Variants in MAPK10 observed in about 807,000 individuals in gnomAD.
MAPK10 encodes JNK3 alpha protein kinase.
Under a neutral mutation model 59.3 loss-of-function variants are expected in MAPK10, and 25 were observed. The observed-to-expected ratio is 0.42, with a 90% confidence interval of 0.31 to 0.59. The LOEUF (loss-of-function observed/expected upper bound fraction) is 0.59, where lower values mean the gene tolerates loss of function less well. Among genes scored for constraint, MAPK10 ranks in the 20% least tolerant of loss-of-function variants. The probability of loss-of-function intolerance (pLI) is 0.15; values close to 1 mark genes in which losing one functional copy is unlikely to be tolerated. For missense variants in MAPK10, 351 were observed against 568.9 expected (o/e 0.62, Z 3.90); for synonymous variants, 190 against 200.5 (o/e 0.95, Z 0.44).
chr4:86,109,202 C>T (rs1691992280), intron 4 of MAPK10, among the ~76,000 whole-genome samples: 1 of 152,150 alleles, frequency 6.6e-6, no homozygotes, highest in African/African-American at 2.4e-5. Flanking sequence ...TGACATTCCA[C>T]ACTATTCTTT....
intron 2 of MAPK10, among the ~76,000 whole-genome samples, chr4:86,301,556 G>C (rs888702458): frequency 1.3e-5 from 2 of 152,036 alleles, no homozygotes; most frequent in Non-Finnish European, 2.9e-5. Flanking sequence ...TTTAATGAAG[G>C]GAAGAGTCTA....
intron 1 of MAPK10, among the ~76,000 whole-genome samples, chr4:86,483,126 A>T (rs1001576828): frequency 2.6e-5 from 4 of 152,212 alleles, no homozygotes; most frequent in Non-Finnish European, 5.9e-5. Flanking sequence ...GGCTGCCAGC[A>T]CTGAATCTTT....
chr4:86,540,518 G>T (rs1043122119), intron 1 of MAPK10, among the ~76,000 whole-genome samples: 4 of 152,068 alleles, frequency 2.6e-5, no homozygotes, highest in Non-Finnish European at 5.9e-5. Context: ...AAAAAAACTG[G>T]GCAATTGAAA....
intron 4 of MAPK10, among the ~76,000 whole-genome samples, chr4:86,132,385 T>C (rs754031354): frequency 6.6e-6 from 1 of 152,204 alleles, no homozygotes; most frequent in African/African-American, 2.4e-5. Flanking sequence ...TAACCAAATA[T>C]ATTTACCTTA....
chr4:86,200,708 T>G (rs192196703), intron 2 of MAPK10, among the ~76,000 whole-genome samples: 3 of 151,920 alleles, frequency 2.0e-5, no homozygotes, highest in Admixed American at 6.6e-5. Flanking sequence ...TGTAATTTTT[T>G]AATATCTAAT....
rs552607288 is a variant in MAPK10 at position 86,526,744 on chromosome 4, C to T, written c.-263+67166G>A. Reference sequence around the variant, plus strand: ...CCTCTTAATGCTGCTTTTGCTGCATCCCAGAGATTTTAGTATACTGTATCT... The same window carrying T: ...CCTCTTAATGCTGCTTTTGCTGCATTCCAGAGATTTTAGTATACTGTATCT... On this transcript the variant is annotated intron_variant, in intron 1 of 4. Transcript: ENST00000502302. Among the ~76,000 whole-genome samples the T allele has an allele frequency of 5.1e-4, 77 of 152,254 alleles. No homozygotes were observed. In the South Asian group the frequency reaches 0.015, roughly 30 times the overall value.
intron 3 of MAPK10, among the ~76,000 whole-genome samples, chr4:86,159,705 A>C (rs995236364): frequency 2.6e-5 from 4 of 152,042 alleles, no homozygotes; most frequent in Non-Finnish European, 4.4e-5. Context: ...TTTATAATAG[A>C]CTAATCTTAG....
intron 2 of MAPK10, among the ~76,000 whole-genome samples, chr4:86,322,489 A>T (rs767457713): frequency 6.6e-6 from 1 of 152,196 alleles, no homozygotes; most frequent in Non-Finnish European, 1.5e-5. Context: ...CCTATAAAAA[A>T]GTCTAACATC....
intron 2 of MAPK10, among the ~76,000 whole-genome samples, chr4:86,214,549 T>C (rs1017768365): frequency 1.8e-5 from 2 of 112,666 alleles, no homozygotes; most frequent in African/African-American, 6.2e-5. Flanking sequence ...TTAGAACTGA[T>C]AAACAGATTC....
intron 2 of MAPK10, among the ~76,000 whole-genome samples, chr4:86,195,256 T>C (rs1280712772): frequency 6.6e-6 from 1 of 152,206 alleles, no homozygotes; most frequent in Non-Finnish European, 1.5e-5. Context: ...TGAATGCTGA[T>C]TGTGTGCAAA....
chr4:86,291,052 G>A (rs1401268997), intron 2 of MAPK10, among the ~76,000 whole-genome samples: 1 of 152,130 alleles, frequency 6.6e-6, no homozygotes, highest in Non-Finnish European at 1.5e-5. Flanking sequence ...ATACAGCATG[G>A]TAAGTGCAAC....
chr4:86,177,698 A>G (rs1378877066), intron 3 of MAPK10, among the ~76,000 whole-genome samples: 1 of 152,030 alleles, frequency 6.6e-6, no homozygotes, highest in African/African-American at 2.4e-5. Flanking sequence ...TCCCTTGTTT[A>G]CTAGTTTCCA....
chr4:86,551,608 C>G (rs965629280), intron 1 of MAPK10, among the ~76,000 whole-genome samples: 9 of 150,676 alleles, frequency 6.0e-5, no homozygotes, highest in African/African-American at 1.7e-4. Flanking sequence ...CTCTCTTTCT[C>G]TCTTTCTTTC....
chr4:86,501,753 A>G lies in MAPK10; in HGVS notation c.-263+92157T>C, dbSNP rs554478299. Among the ~76,000 whole-genome samples, 15 of 152,028 alleles carry G rather than the reference A, an allele frequency of 9.9e-5. No individual in the cohort carries two copies. In the South Asian group the frequency reaches 3.1e-3, roughly 32 times the overall value. ...CCATGTCAGTTTTGAAAGACATACC[A>G]ACTGGGTTCAACATTACATTGTGTC... is the stretch of plus-strand genomic sequence containing the variant. On this transcript the variant is annotated intron_variant, in intron 1 of 4. Transcript: ENST00000502302.
intron 2 of MAPK10, among the ~76,000 whole-genome samples, chr4:86,262,472 GTAATGGCAGA>G (rs1469026599): frequency 6.6e-6 from 1 of 152,192 alleles, no homozygotes; most frequent in African/African-American, 2.4e-5. Context: ...TTAGGGCAAA[GTAATGGCAGA>G]TAATAGAATA....
chr4:86,321,371 G>A (rs1384587090), intron 2 of MAPK10, among the ~76,000 whole-genome samples: 1 of 151,816 alleles, frequency 6.6e-6, no homozygotes, highest in Admixed American at 6.6e-5. Flanking sequence ...TTAAGAAAAT[G>A]TGGCACATAT....
At position 86,359,663 on chromosome 4, in the gene MAPK10, C is replaced by G; in HGVS notation, c.-127G>C. Reference sequence around the variant, plus strand: ...ACGAGCAAAGAGCCACCTACCATTCCGTGCCTGAGAACTACGATCCTGATC... The same window carrying G: ...ACGAGCAAAGAGCCACCTACCATTCGGTGCCTGAGAACTACGATCCTGATC... On this transcript the variant is annotated 5_prime_UTR_variant, in exon 1 of 14. Transcript: ENST00000641462. 8 of 985,788 alleles carry G rather than the reference C, an allele frequency of 8.1e-6. No homozygotes were observed. The highest frequency in any genetic ancestry group is 9.6e-6 in the Non-Finnish European group (8 of 829,880). 61.1% of individuals were successfully genotyped at this position (985,788 alleles called of 1,614,324 possible).
chr4:86,506,394 T>A (rs1755739104), intron 1 of MAPK10, among the ~76,000 whole-genome samples: 1 of 152,166 alleles, frequency 6.6e-6, no homozygotes, highest in Admixed American at 6.6e-5. Flanking sequence ...ACTTACTTGA[T>A]GAACATCCCC....
At chr4:86,276,017 A>C (rs193056154) in intron 2 of MAPK10, among the ~76,000 whole-genome samples, 2 of 152,126 alleles carry the variant, frequency 1.3e-5, no homozygotes, top group African/African-American at 2.4e-5. Flanking sequence ...AAGTTGTTTA[A>C]TAAGTATTGT....
Sources: allele counts gnomAD v4.1 joint callset (sites outside exome capture counted in the v4.1 genomes callset), GRCh38; gene constraint gnomAD v4.1.1; transcripts MANE v1.5; gene names NCBI Gene and HGNC (gene_info 2026-07-23, HGNC 2026-07-21).